Variants in PCDH10 observed in about 807,000 individuals in gnomAD.
The protein encoded by PCDH10 is protocadherin-10.
Under a neutral mutation model 74.4 loss-of-function variants are expected in PCDH10, and 15 were observed. The observed-to-expected ratio is 0.20, with a 90% CI of 0.13 to 0.31. The LOEUF (loss-of-function observed/expected upper bound fraction) is 0.31. Ranked by LOEUF, PCDH10 falls within the 10% of genes least tolerant of loss-of-function variation. The pLI, the probability that PCDH10 is intolerant of heterozygous loss-of-function variation, is 1.00. For synonymous variants in PCDH10, 619 were observed against 589.8 expected, an observed-to-expected ratio of 1.05 and a Z score of -0.72; for missense variants, 1,260 against 1,390.2, an observed-to-expected ratio of 0.91 and a Z score of 1.49.
intron 3 of PCDH10, 91 bp from the exon 4 acceptor site, chr4:133,162,886 T>C (rs1726998067): frequency 9.3e-7 from 1 of 1,069,644 alleles, no homozygotes; most frequent in East Asian, 2.4e-5. Flanking sequence ...ACTTCACTTG[T>C]CACCCTTTAT....
intron 3 of PCDH10, among the ~76,000 whole-genome samples, chr4:133,161,210 C>G (rs1254445708): frequency 1.3e-5 from 2 of 152,032 alleles, no homozygotes; most frequent in Admixed American, 6.6e-5. Context: ...CAGACTTAAA[C>G]AGGAAAATTA....
In PCDH10 at chr4:133,163,258, G is replaced by C; in HGVS notation, c.3079G>C (p.Ala1027Pro). ...ELDGLLTNTR[A>P]PYKPPYLTRK... The stretch of plus-strand genomic sequence containing the variant: ...GGATGGACTGCTGACTAATACGCGA[G>C]CGCCTTACAAACCACCATATTTGAG... Residue 1027 changes from alanine (A) to proline (P), a missense_variant, in exon 4 of 5, where the codon GCG (alanine) becomes CCG (proline). Transcript: ENST00000264360. 6.2e-7 allele frequency: 1 copy of C among 1,612,984 alleles called. No individual in the cohort carries two copies. The highest frequency in any genetic ancestry group is 8.5e-7 in the Non-Finnish European group (1 of 1,179,474).
chr4:133,198,998 G>A (rs1389937254), downstream of PCDH10, among the ~76,000 whole-genome samples: 1 of 152,056 alleles, frequency 6.6e-6, no homozygotes, highest in Non-Finnish European at 1.5e-5. Flanking sequence ...AAGATAACTT[G>A]CCTGGCTGGC....
chr4:133,151,441 T>G lies in PCDH10; in HGVS notation c.1301T>G (p.Val434Gly). The G allele has an allele frequency of 6.2e-7, 1 of 1,613,808 alleles. No individual in the cohort carries two copies. The highest frequency in any genetic ancestry group is 8.5e-7 in the Non-Finnish European group (1 of 1,179,988). Reference sequence around the variant, plus strand: ...GGGGACTCCTACACCCTGACTGTAGTGGCTCGGGACCGGGGCGAGCCTGCG... The same window carrying G: ...GGGGACTCCTACACCCTGACTGTAGGGGCTCGGGACCGGGGCGAGCCTGCG... ...EAGDSYTLTVVARDRGEPALS... is the reference protein window; with the variant it reads ...EAGDSYTLTVGARDRGEPALS... Residue 434 changes from valine (V) to glycine (G), a missense_variant, in exon 1 of 5, where the codon GTG becomes GGG. Val to Gly is a moderately radical substitution (Grantham distance 109). Coordinates refer to ENST00000264360, the MANE Select transcript of PCDH10 (RefSeq NM_032961.3).
At chr4:133,163,304 C>G (rs1238839003) in intron 4 of PCDH10, 22 bp downstream of exon 4, 1 of 1,568,188 alleles carries the variant, frequency 6.4e-7, no homozygotes, top group South Asian at 1.2e-5. Context: ...ACAAAGGGCT[C>G]TGTTAAAGTG....
At chr4:133,199,118 C>CA (rs1262957852), downstream of PCDH10, among the ~76,000 whole-genome samples, 2 of 150,970 alleles carry the variant, frequency 1.3e-5, no homozygotes, top group African/African-American at 2.4e-5. Flanking sequence ...CCTGTCCCTA[C>CA]AAAAAAAATT....
Position 133,149,946 on chromosome 4 carries a change from A to G in PCDH10, c.-195A>G. The G allele has an allele frequency of 2.9e-6, 2 of 685,986 alleles. No individual in the cohort carries two copies. The highest frequency in any genetic ancestry group is 7.9e-5 in the South Asian group (2 of 25,332). 42.5% of individuals were successfully genotyped at this position (685,986 alleles called of 1,614,324 possible). ...ACCCTTCCTGTGCTAAGATTTAAAA[A>G]AAAATGAGGCTGGATTGCGGGAAGC... On this transcript the variant is annotated 5_prime_UTR_variant, in exon 1 of 5. Coordinates refer to ENST00000264360, the MANE Select transcript of PCDH10 (RefSeq NM_032961.3).
At position 133,152,697 on chromosome 4, in the gene PCDH10, T is replaced by A; in HGVS notation, c.2557T>A (p.Cys853Ser). The A allele has an allele frequency of 6.2e-7, 1 of 1,614,192 alleles. No homozygotes were observed. The highest frequency in any genetic ancestry group is 8.5e-7 in the Non-Finnish European group (1 of 1,180,042). Reference protein sequence around the residue: ...SRSTDTEHNPCGAIVTGYTDQ... With the variant: ...SRSTDTEHNPSGAIVTGYTDQ... ...GAGTACGGACACTGAGCACAACCCC[T>A]GCGGGGCCATCGTCACCGGTTACAC... Residue 853 changes from cysteine to serine, a missense_variant, in exon 1 of 5, where the codon TGC becomes AGC. Cys to Ser is a moderately radical substitution (Grantham distance 112). Transcript: ENST00000264360.
chr4:133,180,218 C>T (rs973567255), intron 4 of PCDH10, among the ~76,000 whole-genome samples: 3 of 151,948 alleles, frequency 2.0e-5, no homozygotes, highest in East Asian at 1.9e-4. Context: ...CATTGGAAAA[C>T]GTATACGTAA....
intron 4 of PCDH10, among the ~76,000 whole-genome samples, chr4:133,184,952 TA>T (rs1727512409): frequency 6.7e-6 from 1 of 148,280 alleles, no homozygotes; most frequent in East Asian, 2.0e-4. Flanking sequence ...GCAGTTATAG[TA>T]ACTCAATTTT....
intron 4 of PCDH10, among the ~76,000 whole-genome samples, chr4:133,186,292 A>G (rs931226294): frequency 2.6e-5 from 4 of 152,272 alleles, no homozygotes; most frequent in Non-Finnish European, 4.4e-5. Context: ...CACTATGAAG[A>G]ATAAATGCAC....
intron 4 of PCDH10, among the ~76,000 whole-genome samples, chr4:133,172,636 T>G (rs1250348868): frequency 6.6e-6 from 1 of 152,000 alleles, no homozygotes; most frequent in Non-Finnish European, 1.5e-5. Flanking sequence ...ATTACTACTA[T>G]CCTAGTCTCT....
intron 4 of PCDH10, among the ~76,000 whole-genome samples, chr4:133,177,293 T>A (rs1727314669): frequency 6.6e-6 from 1 of 152,166 alleles, no homozygotes; most frequent in African/African-American, 2.4e-5. Flanking sequence ...TCTTATTATC[T>A]AATAAACCTG....
At position 133,150,044 on chromosome 4, in the gene PCDH10, ATTTGTAT is replaced by A; in HGVS notation, c.-93_-87del. The A allele has an allele frequency of 1.4e-6, 2 of 1,442,162 alleles. No homozygotes were observed. The highest frequency in any genetic ancestry group is 1.8e-6 in the Non-Finnish European group (2 of 1,096,954). The allele number at this position is 1,442,162 out of a possible 1,614,324, so 89.3% of individuals were successfully genotyped here. ...AGGAGCCCCCACGTAGCGCACTTTT[ATTTGTAT>A]TTTTTCAGATTTTTTTTTGTTTCGT... On this transcript the variant is annotated 5_prime_UTR_variant, in exon 1 of 5. Coordinates refer to ENST00000264360, the MANE Select transcript of PCDH10 (RefSeq NM_032961.3).
chr4:133,205,384 C>A (rs1257378817), intron 2 of PCDH10, among the ~76,000 whole-genome samples: 1 of 152,092 alleles, frequency 6.6e-6, no homozygotes, highest in East Asian at 1.9e-4. Context: ...GGGAAGTGGA[C>A]CATTTTTGTA....
rs567407689 is a variant in PCDH10, at chr4:133,194,556, A to C, written c.*4396A>C. On this transcript the variant is annotated 3_prime_UTR_variant, in exon 5 of 5. Coordinates refer to ENST00000264360, the MANE Select transcript of PCDH10 (RefSeq NM_032961.3). ...AAGTAAAATGAGTGTAAATGTAATA[A>C]ATTATTTTATACTGCTGTATACATA... The C allele has an allele frequency of 6.6e-6, 1 of 152,058 alleles. No individual in the cohort carries two copies. The highest frequency in any genetic ancestry group is 2.4e-5 in the African/African-American group (1 of 41,544). 9.4% of individuals were successfully genotyped at this position (152,058 alleles called of 1,614,324 possible).
chr4:133,157,868 A>G (rs907473113), intron 3 of PCDH10, among the ~76,000 whole-genome samples: 4 of 152,024 alleles, frequency 2.6e-5, no homozygotes, highest in African/African-American at 9.7e-5. Flanking sequence ...GCCGTCACCA[A>G]TGTTGTTCAT....
At chr4:133,180,527 C>T (rs368183763) in intron 4 of PCDH10, among the ~76,000 whole-genome samples, 10 of 151,702 alleles carry the variant, frequency 6.6e-5, no homozygotes, top group African/African-American at 9.7e-5. Flanking sequence ...GCTTTCTTTA[C>T]GAGAACATTA....
chr4:133,190,204 G>T lies in PCDH10; in HGVS notation c.*44G>T. 1 of 1,577,818 alleles carries T rather than the reference G, an allele frequency of 6.3e-7. No individual in the cohort carries two copies. Among genetic ancestry groups the T allele is most frequent in the Non-Finnish European group, 8.7e-7 (1 of 1,147,252 alleles). On this transcript the variant is annotated 3_prime_UTR_variant, in exon 5 of 5. Coordinates refer to ENST00000264360, the MANE Select transcript of PCDH10 (RefSeq NM_032961.3). ...CCTGAAGCAGCATGATTTGCACAAA[G>T]TCGACCAACAAAAGCATCAACTTTT...
Sources: allele counts gnomAD v4.1 joint callset (sites outside exome capture counted in the v4.1 genomes callset), GRCh38; gene constraint gnomAD v4.1.1; transcripts MANE v1.5; gene names NCBI Gene and HGNC (gene_info 2026-07-23, HGNC 2026-07-21).